SFXN5: variants seen among roughly 807,000 people sequenced by gnomAD.
SFXN5 encodes the protein sideroflexin 5, also known as sideroflexin-5.
Under a neutral mutation model 50.2 loss-of-function variants are expected in SFXN5, and 43 were observed. The ratio of observed to expected loss-of-function variants is 0.86; its 90% confidence interval spans 0.67 to 1.11. The LOEUF (loss-of-function observed/expected upper bound fraction) is 1.11. Ranked by LOEUF, SFXN5 falls within the 50% of genes least tolerant of loss-of-function variation. SFXN5 has a pLI of 0.00. For missense variants in SFXN5, 463 were observed against 454.1 expected (o/e 1.02, Z -0.18); for synonymous variants, 203 against 185.8 (o/e 1.09, Z -0.75).
chr2:73,030,329 A>C (rs1203467659), intron 3 of SFXN5, among the ~76,000 whole-genome samples: 1 of 152,100 alleles, frequency 6.6e-6, no homozygotes, highest in Non-Finnish European at 1.5e-5. Flanking sequence ...TCTTCCGACC[A>C]AAACCCTTGA....
intron 3 of SFXN5, among the ~76,000 whole-genome samples, chr2:73,023,443 C>A (rs537555110): frequency 6.6e-6 from 1 of 152,002 alleles, no homozygotes; most frequent in Non-Finnish European, 1.5e-5. Context: ...GGGGACCTTG[C>A]GCATCAATTA....
In SFXN5 at chr2:72,960,390, G is replaced by A. The variant is rs560194622; in HGVS notation, c.945+741C>T. ...CACATACAGCTCTTCATCGAATCCC[G>A]AAGAAGCCGCCTCCTGACTCCCTCT... On this transcript the variant is annotated intron_variant, in intron 13 of 13. Transcript: ENST00000272433. This position sits in a 1 kb window ranked among gnomAD's most constrained non-coding sequence, Gnocchi z 6.1. Among the ~76,000 whole-genome samples the A allele has an allele frequency of 4.6e-5, 7 of 152,050 alleles. No individual in the cohort carries two copies. The highest frequency in any genetic ancestry group is 9.7e-5 in the African/African-American group (4 of 41,450).
chr2:73,050,370 T>G (rs1331601155), intron 2 of SFXN5, among the ~76,000 whole-genome samples: 1 of 111,976 alleles, frequency 8.9e-6, no homozygotes, highest in Admixed American at 9.1e-5. Context: ...TTGGTGGAGG[T>G]AGCGCCGCAG....
intron 6 of SFXN5, among the ~76,000 whole-genome samples, chr2:73,018,285 A>G (rs1381883383): frequency 1.3e-5 from 2 of 152,096 alleles, no homozygotes; most frequent in African/African-American, 4.8e-5. Context: ...AGAAAAAAAA[A>G]AGAGAAAGAG....
chr2:73,055,924 G>A (rs762751210), intron 2 of SFXN5, among the ~76,000 whole-genome samples: 2 of 152,202 alleles, frequency 1.3e-5, no homozygotes, highest in Non-Finnish European at 2.9e-5. Flanking sequence ...TGAATGTCTT[G>A]AGGCCAGGAG....
chr2:73,022,928 T>C (rs1235299958), intron 4 of SFXN5, among the ~76,000 whole-genome samples: 1 of 152,188 alleles, frequency 6.6e-6, no homozygotes, highest in Non-Finnish European at 1.5e-5. Flanking sequence ...GGTAGGTACA[T>C]AATAAGGATT....
At chr2:72,968,293 A>T (rs146120129) in intron 12 of SFXN5, among the ~76,000 whole-genome samples, 155 bp downstream of exon 12, 1 of 152,254 alleles carries the variant, frequency 6.6e-6, no homozygotes, top group Non-Finnish European at 1.5e-5. Flanking sequence ...CACTACCTGG[A>T]AAGTCCAAGA....
chr2:72,947,090 GCTGGGCGTGGCCACCT>G (rs1468280371), intron 13 of SFXN5, among the ~76,000 whole-genome samples: 1 of 152,058 alleles, frequency 6.6e-6, no homozygotes, highest in Non-Finnish European at 1.5e-5. Flanking sequence ...CCTCCCCTAC[GCTGGGCGTGGCCACCT>G]CTGTGGCCCC....
intron 10 of SFXN5, among the ~76,000 whole-genome samples, chr2:72,984,329 T>C (rs1671645033): frequency 1.3e-5 from 2 of 152,220 alleles, no homozygotes; most frequent in African/African-American, 2.4e-5. Context: ...TGCCTGCACA[T>C]GCATCAGTCA....
At chr2:72,999,540 A>G (rs751024753) in intron 8 of SFXN5, among the ~76,000 whole-genome samples, 2 of 151,898 alleles carry the variant, frequency 1.3e-5, no homozygotes, top group African/African-American at 2.4e-5. Flanking sequence ...AGAAAAAGCT[A>G]AGGAACTTGC....
chr2:73,047,869 G>A (rs1325563559), intron 2 of SFXN5, among the ~76,000 whole-genome samples: 1 of 152,004 alleles, frequency 6.6e-6, no homozygotes, highest in Non-Finnish European at 1.5e-5. Context: ...TTTATCCAAC[G>A]GAATTAAAGG....
chr2:73,055,122 G>A (rs1681916914), intron 2 of SFXN5, among the ~76,000 whole-genome samples: 1 of 152,246 alleles, frequency 6.6e-6, no homozygotes, highest in South Asian at 2.1e-4. Flanking sequence ...TCCCAGAGCT[G>A]GTCAACTCCA....
intron 3 of SFXN5, among the ~76,000 whole-genome samples, chr2:73,024,639 G>A (rs774931728): frequency 1.3e-5 from 2 of 152,112 alleles, no homozygotes; most frequent in African/African-American, 2.4e-5. Flanking sequence ...GGATGACAGC[G>A]TGAGAACCTG....
intron 13 of SFXN5, among the ~76,000 whole-genome samples, chr2:72,947,739 C>T (rs1238072062): frequency 3.9e-5 from 6 of 152,128 alleles, no homozygotes; most frequent in Admixed American, 2.0e-4. Context: ...TCTGGTCACC[C>T]GAGAGGGCCA....
In SFXN5 at chr2:73,030,848, A is replaced by T. The variant is rs142308650; in HGVS notation, c.250-7634T>A. On this transcript the variant is annotated intron_variant, in intron 3 of 13. Transcript: ENST00000272433. The stretch of plus-strand genomic sequence containing the variant: ...AGAATTTAAAGAAAAAGGATAAATT[A>T]TACAGATATATCTGGCATAATACAG... Among the ~76,000 whole-genome samples, 290 of 152,356 alleles carry T rather than the reference A, an allele frequency of 1.9e-3. 3 individuals carry two copies. The highest frequency in any genetic ancestry group is 6.8e-3 in the Middle Eastern group (2 of 294).
intron 3 of SFXN5, among the ~76,000 whole-genome samples, chr2:73,037,300 G>T (rs935735588): frequency 1.3e-5 from 2 of 152,150 alleles, no homozygotes; most frequent in African/African-American, 2.4e-5. Flanking sequence ...GTCACTGCCT[G>T]GTTTCTGGTG....
intron 13 of SFXN5, among the ~76,000 whole-genome samples, chr2:72,958,875 G>C (rs930625808): frequency 2.6e-5 from 4 of 152,112 alleles, no homozygotes; most frequent in Non-Finnish European, 5.9e-5. Context: ...CTTGGTGTGC[G>C]TTGAATGGTG....
At chr2:73,044,230 A>G (rs562304429) in intron 2 of SFXN5, among the ~76,000 whole-genome samples, 1 of 152,366 alleles carries the variant, frequency 6.6e-6, no homozygotes, top group South Asian at 2.1e-4. Flanking sequence ...TCATCTTGGC[A>G]AAGGGCATGG....
chr2:73,037,147 A>C (rs1679090493), intron 3 of SFXN5, among the ~76,000 whole-genome samples: 1 of 152,052 alleles, frequency 6.6e-6, no homozygotes, highest in Non-Finnish European at 1.5e-5. Flanking sequence ...CACAGTGTGC[A>C]CCTCCTTGCC....
Sources: gnomAD v4.1 joint callset for allele counts (sites outside exome capture counted in the v4.1 genomes callset) on GRCh38, gnomAD v4.1.1 for gene constraint, Gnocchi (gnomAD v3.1) non-coding constraint, MANE v1.5 for transcripts, NCBI Gene and HGNC (gene_info 2026-07-23, HGNC 2026-07-21) for gene names.